Variants in PRKAR1A observed in about 807,000 individuals in gnomAD.
The protein encoded by PRKAR1A is protein kinase cAMP-dependent type I regulatory subunit alpha.
Under a neutral mutation model 52.0 loss-of-function variants are expected in PRKAR1A, and 3 were observed. The ratio of observed to expected loss-of-function variants is 0.06; its 90% CI spans 0.03 to 0.15. The LOEUF (loss-of-function observed/expected upper bound fraction) is 0.15. Among genes scored for constraint, PRKAR1A ranks in the 10% least tolerant of loss-of-function variants. The pLI, the probability that PRKAR1A is intolerant of heterozygous loss-of-function variation, is 1.00. For missense variants in PRKAR1A, 240 were observed against 477.4 expected, an observed-to-expected ratio of 0.50 and a Z score of 4.63; for synonymous variants, 188 against 168.4, an observed-to-expected ratio of 1.12 and a Z score of -0.90.
chr17:68,421,587 T>G, the PRKAR1A span: 1 of 722,860 alleles, frequency 1.4e-6, no homozygotes, highest in Non-Finnish European at 2.4e-6. Flanking sequence ...CCCGCGCCCA[T>G]TGGCAACCAG....
the PRKAR1A span, chr17:68,428,597 G>A: frequency 1.1e-4 from 49 of 464,212 alleles, 2 homozygotes; most frequent in South Asian, 1.0e-3. Flanking sequence ...GGCTGAGGGG[G>A]AGACCATCTT....
At chr17:68,461,275 A>G in the PRKAR1A span, among the ~76,000 whole-genome samples, 1 of 152,258 alleles carries the variant, frequency 6.6e-6, no homozygotes, top group African/African-American at 2.4e-5. The surrounding 1 kb of genome is among the most constrained non-coding windows in gnomAD (Gnocchi z 4.6). Flanking sequence ...CTTACCAGTC[A>G]GCAAAATCTG....
At chr17:68,443,136 A>C in the PRKAR1A span, among the ~76,000 whole-genome samples, 1 of 152,070 alleles carries the variant, frequency 6.6e-6, no homozygotes. Flanking sequence ...TTTGAGACAG[A>C]GTCTCGATCT....
downstream of PRKAR1A, chr17:68,536,771 C>T (rs2086108844): frequency 2.2e-6 from 1 of 453,864 alleles, no homozygotes; most frequent in Non-Finnish European, 4.4e-6. Flanking sequence ...TATTCTGTTA[C>T]TGGCTGCTTA....
the PRKAR1A span, among the ~76,000 whole-genome samples, chr17:68,495,643 A>G: frequency 6.6e-6 from 1 of 152,072 alleles, no homozygotes. Flanking sequence ...TTTACTCATC[A>G]CATACATTGT....
the PRKAR1A span, chr17:68,421,532 A>C: frequency 1.8e-6 from 1 of 544,840 alleles, no homozygotes; most frequent in African/African-American, 1.9e-5. Flanking sequence ...CATTTACACT[A>C]TAGTTTGAAC....
chr17:68,486,430 TTTCC>T, the PRKAR1A span, among the ~76,000 whole-genome samples: 303 of 149,562 alleles, frequency 2.0e-3, 1 homozygote, highest in Middle Eastern at 6.8e-3. Flanking sequence ...CCTTCTTTCT[TTTCC>T]TTCCTTCCTT....
At chr17:68,477,730 T>C in the PRKAR1A span, among the ~76,000 whole-genome samples, 1 of 152,144 alleles carries the variant, frequency 6.6e-6, no homozygotes, top group Non-Finnish European at 1.5e-5. Flanking sequence ...CATTTTTATT[T>C]ATGTTATTTG....
chr17:68,546,847 AAAG>A (rs1425024994), intron 11 of PRKAR1A, among the ~76,000 whole-genome samples: 2 of 151,758 alleles, frequency 1.3e-5, no homozygotes, highest in African/African-American at 2.4e-5. Flanking sequence ...AAAAAAAAAA[AAAG>A]GTAAGACTTG....
chr17:68,544,579 TATAA>T (rs2086461682), intron 11 of PRKAR1A, among the ~76,000 whole-genome samples: 1 of 152,226 alleles, frequency 6.6e-6, no homozygotes, highest in Non-Finnish European at 1.5e-5. Context: ...TGCAGAAATC[TATAA>T]ATAAGAAGCA....
At chr17:68,550,924 C>T (rs2086806752) in intron 11 of PRKAR1A, among the ~76,000 whole-genome samples, 1 of 151,900 alleles carries the variant, frequency 6.6e-6, no homozygotes, top group African/African-American at 2.4e-5. Flanking sequence ...TAGGCCCTGC[C>T]CTTAGAACCA....
At chr17:68,430,016 C>A in the PRKAR1A span, 1 of 1,613,956 alleles carries the variant, frequency 6.2e-7, no homozygotes, top group Non-Finnish European at 8.5e-7. Context: ...TACAGATGTT[C>A]CTCTGTCCGG....
the PRKAR1A span, among the ~76,000 whole-genome samples, chr17:68,441,698 C>T: frequency 6.6e-6 from 1 of 152,206 alleles, no homozygotes; most frequent in Non-Finnish European, 1.5e-5. Flanking sequence ...AGGGCGGACC[C>T]ACCTTTGCCC....
rs752489774 is a variant in PRKAR1A, at chr17:68,533,379, G to A, written c.*2930G>A. 1.2e-4 allele frequency: 128 copies of A among 1,061,380 alleles called. No homozygotes were observed. The highest frequency in any genetic ancestry group is 3.4e-4 in the African/African-American group (21 of 60,972). The allele number at this position is 1,061,380 out of a possible 1,614,324, so 65.7% of individuals were successfully genotyped here. A position where few individuals can be genotyped will look rare whatever the true frequency, so the allele number is the denominator to read the frequency against. On this transcript the variant is annotated 3_prime_UTR_variant, in exon 11 of 11. Coordinates refer to ENST00000589228, the MANE Select transcript of PRKAR1A (RefSeq NM_002734.5). ...CTAGATTCAGTAATCCCTTCCCCCC[G>A]TCCTCTGGAGTATGAAACCTTTAGA...
rs372294873 is a variant in PRKAR1A at position 68,525,610 on chromosome 17, C to T, written c.550-144C>T. ...AACTCGTCAGAAATCACCTATTCTT[C>T]TCTGTTGTGTACTGCAAACATAATA... On this transcript the variant is annotated intron_variant, in intron 6 of 10. Coordinates refer to ENST00000589228, the MANE Select transcript of PRKAR1A (RefSeq NM_002734.5). The T allele has an allele frequency of 1.1e-4, 89 of 832,716 alleles. No individual in the cohort carries two copies. The African/African-American group carries it at 1.3e-3, about 12-fold the overall frequency. The allele number at this position is 832,716 out of a possible 1,614,324, so 51.6% of individuals were successfully genotyped here.
intron 11 of PRKAR1A, among the ~76,000 whole-genome samples, chr17:68,543,018 AATG>A (rs2086379348): frequency 6.6e-6 from 1 of 152,108 alleles, no homozygotes; most frequent in Non-Finnish European, 1.5e-5. Context: ...TGGAGTTGAA[AATG>A]AATCCTTATT....
downstream of PRKAR1A, chr17:68,536,402 C>T (rs2086097265): frequency 2.2e-6 from 1 of 453,962 alleles, no homozygotes; most frequent in African/African-American, 2.0e-5. Flanking sequence ...ACAAAGCCTC[C>T]TATTAAAAGG....
At chr17:68,426,052 A>G in the PRKAR1A span, 1 of 1,605,346 alleles carries the variant, frequency 6.2e-7, no homozygotes, top group Non-Finnish European at 8.5e-7. Context: ...TGAGCCGCCC[A>G]GTTACGGGTT....
At chr17:68,417,468 C>T in the PRKAR1A span, among the ~76,000 whole-genome samples, 3 of 152,072 alleles carry the variant, frequency 2.0e-5, no homozygotes, top group African/African-American at 4.8e-5. Context: ...TTTTGGGTGC[C>T]GCGGTGGGGG....
Sources: gnomAD v4.1 joint callset for allele counts (sites outside exome capture counted in the v4.1 genomes callset) on GRCh38, gnomAD v4.1.1 for gene constraint, Gnocchi (gnomAD v3.1) non-coding constraint, MANE v1.5 for transcripts, NCBI Gene and HGNC (gene_info 2026-07-23, HGNC 2026-07-21) for gene names.